ROR1: variants seen among roughly 807,000 people sequenced by gnomAD.
ROR1 encodes the protein ROR family WNT receptor 1, also known as inactive tyrosine-protein kinase transmembrane receptor ROR1.
A neutral mutation model predicts 78.8 loss-of-function variants in ROR1; 19 were observed. The ratio of observed to expected loss-of-function variants is 0.24; its 90% CI spans 0.17 to 0.35. ROR1 has a LOEUF of 0.35. ROR1 is among the 10% of genes least tolerant of loss of function. The probability of loss-of-function intolerance (pLI) is 1.00; values close to 1 mark genes in which losing one functional copy is unlikely to be tolerated. For missense variants in ROR1, 917 were observed against 1,177.8 expected, an observed-to-expected ratio of 0.78 and a Z score of 3.24; for synonymous variants, 386 against 433.6, an observed-to-expected ratio of 0.89 and a Z score of 1.36.
At chr1:64,098,967 A>G (rs375734178) in intron 4 of ROR1, among the ~76,000 whole-genome samples, 41 of 152,104 alleles carry the variant, frequency 2.7e-4, no homozygotes, top group African/African-American at 9.7e-4. Context: ...TTTACAGTTC[A>G]TAAAGCACTT....
chr1:63,987,547 A>G (rs1646262460), intron 1 of ROR1, among the ~76,000 whole-genome samples: 1 of 152,204 alleles, frequency 6.6e-6, no homozygotes, highest in South Asian at 2.1e-4. Flanking sequence ...TGTCATTCTA[A>G]TCATAATGCA....
At chr1:63,816,913 C>T (rs1644895444) in intron 1 of ROR1, among the ~76,000 whole-genome samples, 1 of 152,218 alleles carries the variant, frequency 6.6e-6, no homozygotes, top group African/African-American at 2.4e-5. Flanking sequence ...AGAAGGAGCT[C>T]TCTTTATTGA....
chr1:64,087,143 A>C (rs1053217643), intron 4 of ROR1, among the ~76,000 whole-genome samples: 1 of 152,198 alleles, frequency 6.6e-6, no homozygotes, highest in African/African-American at 2.4e-5. Flanking sequence ...CAGTCACTCC[A>C]ATCACTCAGA....
intron 1 of ROR1, among the ~76,000 whole-genome samples, chr1:63,902,363 G>A (rs561262024): frequency 3.3e-5 from 5 of 151,622 alleles, no homozygotes; most frequent in Admixed American, 2.0e-4. Flanking sequence ...TGTTGCCCAG[G>A]CAGGAGGGCA....
intron 4 of ROR1, chr1:64,111,110 A>G (rs1274820474): frequency 1.3e-5 from 2 of 152,104 alleles, no homozygotes; most frequent in Non-Finnish European, 2.9e-5. Context: ...AGATTTCCTT[A>G]CCAGCAGCAT....
chr1:64,043,653 G>A (rs771001455), intron 2 of ROR1, among the ~76,000 whole-genome samples: 9 of 152,202 alleles, frequency 5.9e-5, no homozygotes, highest in Non-Finnish European at 1.3e-4. Context: ...TTCAGGTTAT[G>A]AGTGGTGCAA....
At chr1:64,151,831 T>C (rs894296552) in intron 7 of ROR1, among the ~76,000 whole-genome samples, 29 of 147,654 alleles carry the variant, frequency 2.0e-4, no homozygotes, top group East Asian at 1.2e-3. Context: ...TACAGCGAGC[T>C]GAGATTGCAC....
At chr1:63,918,807 C>T (rs925627730) in intron 1 of ROR1, among the ~76,000 whole-genome samples, 1 of 152,232 alleles carries the variant, frequency 6.6e-6, no homozygotes, top group South Asian at 2.1e-4. Context: ...TGGAACAGTT[C>T]CATAGCTAGC....
At chr1:63,805,884 T>C (rs1306394532) in intron 1 of ROR1, among the ~76,000 whole-genome samples, 6 of 152,108 alleles carry the variant, frequency 3.9e-5, no homozygotes, top group Admixed American at 6.5e-5. Flanking sequence ...CCTGGTGCAG[T>C]GGAATGCACC....
chr1:63,961,150 G>A (rs1266852924), intron 1 of ROR1, among the ~76,000 whole-genome samples: 2 of 148,698 alleles, frequency 1.3e-5, no homozygotes, highest in Admixed American at 1.3e-4. Flanking sequence ...CTCCCCTTAA[G>A]CTCCTTTAAT....
chr1:63,890,719 A>G (rs1380769046), intron 1 of ROR1, among the ~76,000 whole-genome samples: 1 of 152,056 alleles, frequency 6.6e-6, no homozygotes, highest in East Asian at 1.9e-4. Context: ...GGTAGAAGAA[A>G]TCATTCACAA....
intron 1 of ROR1, among the ~76,000 whole-genome samples, chr1:63,950,850 A>G (rs188351147): frequency 6.6e-6 from 1 of 152,378 alleles, no homozygotes; most frequent in Non-Finnish European, 1.5e-5. Context: ...TTGATACCAC[A>G]GTGAAGGGAG....
At chr1:63,832,764 G>C (rs1644995740) in intron 1 of ROR1, among the ~76,000 whole-genome samples, 1 of 152,182 alleles carries the variant, frequency 6.6e-6, no homozygotes. Flanking sequence ...TACTTACATA[G>C]TCAGTTTTAT....
chr1:64,130,327 T>C (rs2762845), intron 4 of ROR1, among the ~76,000 whole-genome samples: 148,249 of 152,330 alleles, frequency 0.97, 72,232 homozygotes, highest in East Asian at 1. Flanking sequence ...TATGTTAACA[T>C]GTACTTTTTG....
intron 5 of ROR1, among the ~76,000 whole-genome samples, chr1:64,138,960 C>T (rs949459855): frequency 6.6e-5 from 10 of 151,902 alleles, no homozygotes; most frequent in South Asian, 4.2e-4. Context: ...GCCAGGAGTT[C>T]GAGACCAGCC....
At chr1:64,073,445 A>C (rs577105101) in intron 4 of ROR1, among the ~76,000 whole-genome samples, 1 of 152,308 alleles carries the variant, frequency 6.6e-6, no homozygotes, top group Middle Eastern at 3.4e-3. Context: ...ATGTGAAAGC[A>C]TGACTTCAAT....
chr1:63,983,193 G>T (rs1333764018), intron 1 of ROR1, among the ~76,000 whole-genome samples: 1 of 152,126 alleles, frequency 6.6e-6, no homozygotes, highest in Non-Finnish European at 1.5e-5. Flanking sequence ...CTCAGGGAGA[G>T]ATTTTCTCAC....
intron 8 of ROR1, among the ~76,000 whole-genome samples, chr1:64,175,428 A>G (rs1017182634): frequency 6.6e-6 from 1 of 152,132 alleles, no homozygotes; most frequent in Non-Finnish European, 1.5e-5. Context: ...GATTTAATAT[A>G]TTCTCTATAG....
rs540173507 is a variant in ROR1, at chr1:63,952,561, C to G, written c.92-56744C>G. On this transcript the variant is annotated intron_variant, in intron 1 of 8. Coordinates refer to ENST00000371079, the MANE Select transcript of ROR1 (RefSeq NM_005012.4). ...CAGGCATGGAGCTAGGAAAGGTAAC[C>G]TGTCTGAGGGCCTTTGACAGACCAG... Among the ~76,000 whole-genome samples, 5 of 152,298 alleles carry G rather than the reference C, an allele frequency of 3.3e-5. No homozygotes were observed. In the Middle Eastern group the frequency reaches 0.01, roughly 311 times the overall value.
Sources: allele counts gnomAD v4.1 joint callset (sites outside exome capture counted in the v4.1 genomes callset), GRCh38; gene constraint gnomAD v4.1.1; transcripts MANE v1.5; gene names NCBI Gene and HGNC (gene_info 2026-07-23, HGNC 2026-07-21).